Variants in CYP24A1 observed in about 807,000 individuals in gnomAD.
The protein encoded by CYP24A1 is cytochrome P450 family 24 subfamily A member 1.
A neutral mutation model predicts 62.4 loss-of-function variants in CYP24A1; 68 were observed. That is an observed-to-expected ratio of 1.09 (90% CI 0.90 to 1.33). CYP24A1 has a LOEUF of 1.33. Among genes scored for constraint, CYP24A1 ranks in the 40% most tolerant of loss-of-function variants. The pLI is 0.00. For missense variants in CYP24A1, 787 were observed against 653.0 expected (o/e 1.21, Z -2.24); for synonymous variants, 267 against 253.0 (o/e 1.06, Z -0.52).
Position 54,159,105 on chromosome 20 carries a change from A to G in CYP24A1, c.1009T>C (p.Trp337Arg). ...TTACGGGATAAATTGTAGAGAATCC[A>G]CATTAGACTGTTTGCTGTCTGCAAG... Reference protein sequence around the residue: ...AVETTANSLMWILYNLSRNPQ... With the variant: ...AVETTANSLMRILYNLSRNPQ... Residue 337 changes from tryptophan (W) to arginine (R), a missense_variant, in exon 8 of 12, where the codon TGG becomes CGG. Coordinates refer to ENST00000216862, the MANE Select transcript of CYP24A1 (RefSeq NM_000782.5). 1.9e-6 allele frequency: 3 copies of G among 1,613,858 alleles called. No homozygotes were observed. Among genetic ancestry groups the G allele is most frequent in the Non-Finnish European group, 2.5e-6 (3 of 1,179,726 alleles).
intron 11 of CYP24A1, among the ~76,000 whole-genome samples, chr20:54,155,307 G>A (rs758312160): frequency 1.3e-5 from 2 of 152,128 alleles, no homozygotes; most frequent in African/African-American, 2.4e-5. Flanking sequence ...ATAAGCAAAT[G>A]CTCCTTAACT....
rs1224687481 is a variant in CYP24A1, at chr20:54,162,727, G to A, written c.980C>T (p.Ala327Val). Reference protein sequence around the residue: ...YAAVTELQLAAVETTANSLMW... With the variant: ...YAAVTELQLAVVETTANSLMW... ...CCAGCCCACCCTTACCGTTTCCACC[G>A]CAGCCAGCTGGAGCTCTGTGACAGC... The change falls in exon 7 of 12, where the codon GCG becomes GTG. Residue 327 changes from alanine to valine, a missense_variant. Transcript: ENST00000216862. The A allele has an allele frequency of 3.1e-6, 5 of 1,598,126 alleles. No individual in the cohort carries two copies. In the African/African-American group the frequency reaches 4.0e-5, roughly 13 times the overall value.
intron 7 of CYP24A1, 107 bp from the exon 8 acceptor site, chr20:54,159,230 GT>G (rs764876986): frequency 3.4e-6 from 3 of 885,346 alleles, no homozygotes; most frequent in Non-Finnish European, 5.7e-6. Flanking sequence ...AAATGTATCA[GT>G]GAAGCTCTTT....
chr20:54,147,216 AG>A, the CYP24A1 span, among the ~76,000 whole-genome samples: 5 of 152,234 alleles, frequency 3.3e-5, no homozygotes, highest in Admixed American at 2.0e-4. Context: ...AGATTTGGCA[AG>A]GCCATGGGAG....
At position 54,158,169 on chromosome 20, in the gene CYP24A1, A is replaced by G; in HGVS notation, c.1158-5T>C. On this transcript the variant is annotated splice_region_variant and splice_polypyrimidine_tract_variant and intron_variant, in intron 8 of 11. Transcript: ENST00000216862. ...AATGGTACACTCGGCGTAAGCCTGA[A>G]AAGATAAAATCAAAGATGTAAAGGT... 6.2e-7 allele frequency: 1 copy of G among 1,613,856 alleles called. No individual in the cohort carries two copies. The highest frequency in any genetic ancestry group is 8.5e-7 in the Non-Finnish European group (1 of 1,179,984).
intron 4 of CYP24A1, among the ~76,000 whole-genome samples, chr20:54,167,571 A>G (rs1438017109): frequency 6.6e-6 from 1 of 152,200 alleles, no homozygotes; most frequent in African/African-American, 2.4e-5. Context: ...CAGCAGTTCG[A>G]GACCAGCCTG....
At chr20:54,144,111 T>C in the CYP24A1 span, among the ~76,000 whole-genome samples, 1 of 152,178 alleles carries the variant, frequency 6.6e-6, no homozygotes, top group African/African-American at 2.4e-5. Flanking sequence ...GGTAGTCACA[T>C]GGCGGCCCCA....
At position 54,173,375 on chromosome 20, in the gene CYP24A1, T is replaced by C; in HGVS notation, c.205A>G (p.Ser69Gly). 6.3e-7 allele frequency: 1 copy of C among 1,598,388 alleles called. No homozygotes were observed. Among genetic ancestry groups the C allele is most frequent in the Non-Finnish European group, 8.5e-7 (1 of 1,170,920 alleles). The change falls in exon 1 of 12, where the codon AGC (serine) becomes GGC (glycine). Residue 69 changes from serine (S) to glycine (G), a missense_variant. Ser to Gly is a moderately conservative substitution (Grantham distance 56). Coordinates refer to ENST00000216862, the MANE Select transcript of CYP24A1 (RefSeq NM_000782.5). The surrounding 1 kb of genome is among the most constrained non-coding windows in gnomAD (Gnocchi z 7.2). ...PGPTSWPLLG[S>G]LLQILWKGGL... ...CCTTTCCAGAGAATCTGCAGCAGGC[T>C]GCCCAGCAGTGGCCAGCTGGTGGGG...
chr20:54,155,635 G>T (rs1465487101), intron 11 of CYP24A1, among the ~76,000 whole-genome samples: 1 of 151,800 alleles, frequency 6.6e-6, no homozygotes, highest in Non-Finnish European at 1.5e-5. Flanking sequence ...TACTCGGGAG[G>T]CTGAGGCAGA....
chr20:54,170,587 T>TGAAC (rs1167552543), intron 3 of CYP24A1, among the ~76,000 whole-genome samples: 2 of 152,198 alleles, frequency 1.3e-5, no homozygotes, highest in African/African-American at 4.8e-5. Flanking sequence ...AGGTTTCATA[T>TGAAC]GAACATATGG....
downstream of CYP24A1, among the ~76,000 whole-genome samples, chr20:54,152,539 G>C (rs758847906): frequency 8.1e-4 from 124 of 152,248 alleles, 1 homozygote; most frequent in Admixed American, 6.5e-4. Flanking sequence ...GGAAATGAAA[G>C]CTGGGTGGAC....
the CYP24A1 span, among the ~76,000 whole-genome samples, chr20:54,145,571 C>T: frequency 1.2e-4 from 17 of 138,112 alleles, no homozygotes; most frequent in African/African-American, 2.7e-4. Context: ...ACCCGGGAGG[C>T]GGAGGTTGCA....
chr20:54,169,703 AC>A lies in CYP24A1; in HGVS notation c.544-16del, dbSNP rs755745270. 3.8e-5 allele frequency: 62 copies of A among 1,613,818 alleles called. No individual in the cohort carries two copies. The highest frequency in any genetic ancestry group is 5.1e-5 in the Non-Finnish European group (60 of 1,179,946). On this transcript the variant is annotated splice_polypyrimidine_tract_variant and intron_variant, in intron 3 of 11. Coordinates refer to ENST00000216862, the MANE Select transcript of CYP24A1 (RefSeq NM_000782.5). ...TCGGCCAAGACCTTCAAAGAAAACAACCGCAAAAGACACATTTTAAAGCCGT... is the reference window on the plus strand; with the variant it reads ...TCGGCCAAGACCTTCAAAGAAAACAACGCAAAAGACACATTTTAAAGCCGT...
intron 6 of CYP24A1, 137 bp downstream of exon 6, chr20:54,164,315 A>C (rs745603257): frequency 3.3e-6 from 5 of 1,513,912 alleles, no homozygotes; most frequent in Non-Finnish European, 4.5e-6. Context: ...ATGCTGGGGC[A>C]ATCCCCAAAA....
chr20:54,157,958 A>C, intron 9 of CYP24A1, 128 bp downstream of exon 9: 1 of 1,482,216 alleles, frequency 6.7e-7, no homozygotes, highest in Non-Finnish European at 9.1e-7. Context: ...CATGTCAACT[A>C]TTCTCTACCA....
At chr20:54,143,816 T>C in the CYP24A1 span, among the ~76,000 whole-genome samples, 1 of 151,418 alleles carries the variant, frequency 6.6e-6, no homozygotes, top group Non-Finnish European at 1.5e-5. Flanking sequence ...CAGGCTTTTG[T>C]TGAGATACAG....
intron 11 of CYP24A1, among the ~76,000 whole-genome samples, chr20:54,156,566 C>T (rs565306490): frequency 2.0e-5 from 3 of 152,202 alleles, no homozygotes; most frequent in African/African-American, 4.8e-5. Flanking sequence ...ATAGATCCTC[C>T]TCTAGAACCT....
chr20:54,146,765 C>A, the CYP24A1 span, among the ~76,000 whole-genome samples: 1 of 152,164 alleles, frequency 6.6e-6, no homozygotes, highest in Non-Finnish European at 1.5e-5. Context: ...ATCTTCTAAT[C>A]AATTCTAAAG....
intron 7 of CYP24A1, among the ~76,000 whole-genome samples, chr20:54,160,833 A>G (rs2092647702): frequency 2.6e-5 from 4 of 152,196 alleles, no homozygotes; most frequent in African/African-American, 4.8e-5. Context: ...CTGAGCCTGT[A>G]GGGAAAACTG....
Sources: gnomAD v4.1 joint callset for allele counts (sites outside exome capture counted in the v4.1 genomes callset) on GRCh38, gnomAD v4.1.1 for gene constraint, Gnocchi (gnomAD v3.1) non-coding constraint, MANE v1.5 for transcripts, NCBI Gene and HGNC (gene_info 2026-07-23, HGNC 2026-07-21) for gene names.